AMOT: variants seen among roughly 807,000 people sequenced by gnomAD.
The protein encoded by AMOT is angiomotin.
Under a neutral mutation model 67.0 loss-of-function variants are expected in AMOT, and 11 were observed. The ratio of observed to expected loss-of-function variants is 0.16; its 90% CI spans 0.10 to 0.27. The LOEUF (loss-of-function observed/expected upper bound fraction) is 0.27. AMOT is among the 10% of genes least tolerant of loss of function. The probability of loss-of-function intolerance (pLI) is 1.00; values close to 1 mark genes in which losing one functional copy is unlikely to be tolerated. For synonymous variants in AMOT, 326 were observed against 321.4 expected (o/e 1.01, Z -0.15); for missense variants, 753 against 852.0 (o/e 0.88, Z 1.45).
At position 112,815,553 on chromosome X, in the gene AMOT, T is replaced by C. The variant is rs1183439064; in HGVS notation, c.1197A>G (p.Pro399=). 3.3e-6 allele frequency: 4 copies of C among 1,209,179 alleles called. No homozygotes were observed. In the Admixed American group the frequency reaches 6.6e-5, roughly 20 times the overall value. The change falls in exon 5 of 14, where the codon CCA becomes CCG. Residue 399 remains proline, a synonymous_variant. Transcript: ENST00000371959. ...AATAGGCTTCTCCTGGCTGCTGCTG[T>C]GGCTGCTGCTGCTGCTGTTGTTGGT... ...HHHQQQQQQQ[P]QQQPGEAYSA...
intron 4 of AMOT, chrX:112,819,240 C>T: frequency 2.3e-6 from 1 of 429,962 alleles, no homozygotes; most frequent in South Asian, 1.2e-4. Context: ...ACTCCACACT[C>T]CTGGCACACA....
At chrX:112,832,841 C>T (rs1935027299) in intron 1 of AMOT, among the ~76,000 whole-genome samples, 1 of 111,448 alleles carries the variant, frequency 9.0e-6, no homozygotes, top group South Asian at 3.8e-4. Context: ...CAGGTGCTGA[C>T]TGCAGGTGTG....
At chrX:112,796,278 C>T (rs939227596) in intron 8 of AMOT, among the ~76,000 whole-genome samples, 3 of 112,003 alleles carry the variant, frequency 2.7e-5, no homozygotes, top group African/African-American at 9.7e-5. Flanking sequence ...GTGTTCTTGT[C>T]ATAAGACCCT....
At chrX:112,813,121 G>A (rs775559525) in intron 5 of AMOT, among the ~76,000 whole-genome samples, 3 of 112,373 alleles carry the variant, frequency 2.7e-5, no homozygotes, top group South Asian at 3.7e-4. Context: ...AAGGCTGTCC[G>A]GTTGTGCACA....
intron 6 of AMOT, 112 bp downstream of exon 6, chrX:112,811,137 T>A: frequency 9.8e-7 from 1 of 1,015,343 alleles, no homozygotes; most frequent in Non-Finnish European, 1.3e-6. Context: ...TTACTGCCCA[T>A]ACCGGTGGGT....
In AMOT at chrX:112,828,618, G is replaced by T. The variant is rs766584690; in HGVS notation, c.-211-3398C>A. On this transcript the variant is annotated intron_variant, in intron 2 of 13. Coordinates refer to ENST00000371959, the MANE Select transcript of AMOT (RefSeq NM_001113490.2). ...TCAGTCTACTACACAGGGGTCCTTAGATCATTGAAAGCCAGAACTGGAAAG... is the reference window on the plus strand; with the variant it reads ...TCAGTCTACTACACAGGGGTCCTTATATCATTGAAAGCCAGAACTGGAAAG... 9.3e-4 allele frequency among the ~76,000 whole-genome samples: 102 copies of T among 109,968 alleles called. 1 individual carries two copies. Among genetic ancestry groups the T allele is most frequent in the African/African-American group, 3.3e-3 (99 of 30,179 alleles).
chrX:112,838,779 T>C (rs1481647504), intron 1 of AMOT, among the ~76,000 whole-genome samples: 1 of 112,613 alleles, frequency 8.9e-6, no homozygotes, highest in Non-Finnish European at 1.9e-5. Flanking sequence ...ACATCTAGAC[T>C]GTGAAGGTAG....
intron 7 of AMOT, among the ~76,000 whole-genome samples, chrX:112,805,618 C>T (rs1165023308): frequency 8.9e-6 from 1 of 112,011 alleles, no homozygotes. Context: ...CACTTTGTAA[C>T]TGAGATCAAG....
At chrX:112,793,456 G>T (rs1464873676) in intron 8 of AMOT, among the ~76,000 whole-genome samples, 1 of 111,290 alleles carries the variant, frequency 9.0e-6, no homozygotes, top group African/African-American at 3.3e-5. Context: ...TCATGGTAAT[G>T]AGTCCAAATC....
chrX:112,815,911 T>A lies in AMOT; in HGVS notation c.873-34A>T, dbSNP rs73636628. Reference sequence around the variant, plus strand: ...CATGAAGGGCAGGTGCGGGTTAATTTCTCTCCTAAGGCACTGGGGGAGAAG... The same window carrying A: ...CATGAAGGGCAGGTGCGGGTTAATTACTCTCCTAAGGCACTGGGGGAGAAG... On this transcript the variant is annotated intron_variant, in intron 4 of 13. Transcript: ENST00000371959. The A allele has an allele frequency of 5.4e-3, 6,226 of 1,146,361 alleles. 242 individuals are homozygous for A. In the African/African-American group the frequency reaches 0.1, roughly 19 times the overall value. 94.5% of individuals were successfully genotyped at this position (1,146,361 alleles called of 1,213,427 possible). A position where few individuals can be genotyped will look rare whatever the true frequency, so the allele number is the denominator to read the frequency against.
Position 112,815,554 on chromosome X carries a change from GGCTGCT to G in AMOT, c.1190_1195del (p.Gln397_Gln398del). On this transcript the variant is annotated inframe_deletion, in exon 5 of 14. Coordinates refer to ENST00000371959, the MANE Select transcript of AMOT (RefSeq NM_001113490.2). Reference sequence around the variant, plus strand: ...ATAGGCTTCTCCTGGCTGCTGCTGTGGCTGCTGCTGCTGCTGTTGTTGGTGGTGATG... The same window carrying G: ...ATAGGCTTCTCCTGGCTGCTGCTGTGGCTGCTGCTGTTGTTGGTGGTGATG... 8.3e-7 allele frequency: 1 copy of G among 1,210,888 alleles called. No individual in the cohort carries two copies. Among genetic ancestry groups the G allele is most frequent in the African/African-American group, 1.7e-5 (1 of 57,685 alleles).
chrX:112,821,130 T>G (rs750179390), intron 4 of AMOT, among the ~76,000 whole-genome samples: 3 of 111,276 alleles, frequency 2.7e-5, no homozygotes, highest in Admixed American at 9.6e-5. Flanking sequence ...CCTGAGTCAC[T>G]CAATGAACTT....
At chrX:112,802,355 G>A (rs1934042294) in intron 8 of AMOT, among the ~76,000 whole-genome samples, 1 of 112,407 alleles carries the variant, frequency 8.9e-6, no homozygotes, top group Non-Finnish European at 1.9e-5. Flanking sequence ...GAACAATATA[G>A]AGGAGACACG....
At chrX:112,794,303 T>A (rs868569380) in intron 8 of AMOT, among the ~76,000 whole-genome samples, 8 of 110,969 alleles carry the variant, frequency 7.2e-5, no homozygotes, top group Non-Finnish European at 1.5e-4. Context: ...GCCTGGGGAG[T>A]TCTCCGAGTT....
chrX:112,836,211 T>G (rs775288098), intron 1 of AMOT, among the ~76,000 whole-genome samples: 1 of 112,050 alleles, frequency 8.9e-6, no homozygotes, highest in East Asian at 2.8e-4. Context: ...TACAGTGACT[T>G]AAAAATCATT....
At position 112,774,916 on chromosome X, in the gene AMOT, T is replaced by C. The variant is rs1021650845; in HGVS notation, c.*3651A>G. The C allele has an allele frequency of 3.6e-5, 4 of 112,477 alleles. No homozygotes were observed. The highest frequency in any genetic ancestry group is 7.5e-5 in the Non-Finnish European group (4 of 53,331). 9.3% of individuals were successfully genotyped at this position (112,477 alleles called of 1,213,427 possible). ...GCTAACTTTATTGTCAGTGAAAAGA[T>C]AGGCACAAAGTGGATTTAAACCTGC... On this transcript the variant is annotated 3_prime_UTR_variant, in exon 14 of 14. Coordinates refer to ENST00000371959, the MANE Select transcript of AMOT (RefSeq NM_001113490.2).
rs575260617 is a variant in AMOT at position 112,818,930 on chromosome X, T to G, written c.873-3053A>C. On this transcript the variant is annotated intron_variant, in intron 4 of 13. Coordinates refer to ENST00000371959, the MANE Select transcript of AMOT (RefSeq NM_001113490.2). ...AAGCCCTGACCTGCCTCCTGCCACT[T>G]CCGTCCCCTCATCCTGCTCCTTCCT... Among the ~76,000 whole-genome samples, 147 of 110,250 alleles carry G rather than the reference T, an allele frequency of 1.3e-3. No homozygotes were observed. In the South Asian group the frequency reaches 0.019, roughly 14 times the overall value.
intron 8 of AMOT, among the ~76,000 whole-genome samples, chrX:112,792,259 T>C (rs1008338545): frequency 2.7e-5 from 3 of 112,551 alleles, no homozygotes; most frequent in Middle Eastern, 4.6e-3. Flanking sequence ...ATCAGTACCA[T>C]CTATGTTAGA....
chrX:112,791,783 T>C (rs781326556), intron 9 of AMOT, 49 bp downstream of exon 9: 42 of 1,188,153 alleles, frequency 3.5e-5, no homozygotes, highest in Non-Finnish European at 4.6e-6. Flanking sequence ...CCAGGAATAA[T>C]GTCATTTTCT....
Sources: allele counts gnomAD v4.1 joint callset (sites outside exome capture counted in the v4.1 genomes callset), GRCh38; gene constraint gnomAD v4.1.1; transcripts MANE v1.5; gene names NCBI Gene and HGNC (gene_info 2026-07-23, HGNC 2026-07-21).